Variants in SAMD4A observed in about 807,000 individuals in gnomAD.
The protein encoded by SAMD4A is sterile alpha motif domain containing 4A.
In SAMD4A, 33 loss-of-function variants were observed where a neutral mutation model predicts 81.3. That is an observed-to-expected ratio of 0.41 (90% CI 0.31 to 0.54). SAMD4A has a LOEUF of 0.54. Among genes scored for constraint, SAMD4A ranks in the 20% least tolerant of loss-of-function variants. The probability of loss-of-function intolerance (pLI) is 0.37; values close to 1 mark genes in which losing one functional copy is unlikely to be tolerated. For synonymous variants in SAMD4A, 389 were observed against 382.1 expected (o/e 1.02, Z -0.21); for missense variants, 854 against 951.1 (o/e 0.90, Z 1.34).
chr14:54,779,898 G>A (rs1374569790), intron 11 of SAMD4A, among the ~76,000 whole-genome samples: 3 of 152,096 alleles, frequency 2.0e-5, no homozygotes, highest in African/African-American at 7.2e-5. Flanking sequence ...TGGCGCCTGT[G>A]CGAATGGTCA....
intron 2 of SAMD4A, among the ~76,000 whole-genome samples, chr14:54,605,150 T>C (rs906037860): frequency 2.6e-5 from 4 of 152,308 alleles, no homozygotes; most frequent in Admixed American, 2.6e-4. Context: ...CCTGTTTCAC[T>C]TGACAATTAC....
chr14:54,581,678 T>G (rs1384959850), intron 2 of SAMD4A, among the ~76,000 whole-genome samples: 2 of 152,240 alleles, frequency 1.3e-5, no homozygotes, highest in African/African-American at 2.4e-5. Flanking sequence ...GTATGAGTGG[T>G]CATGCAGCCA....
At chr14:54,606,632 T>C (rs2034213466) in intron 2 of SAMD4A, among the ~76,000 whole-genome samples, 2 of 152,210 alleles carry the variant, frequency 1.3e-5, no homozygotes, top group South Asian at 4.1e-4. Context: ...TCAGCACCTT[T>C]CTTTGGGGTT....
At chr14:54,617,094 G>T (rs2034508036) in intron 2 of SAMD4A, among the ~76,000 whole-genome samples, 1 of 151,944 alleles carries the variant, frequency 6.6e-6, no homozygotes, top group South Asian at 2.1e-4. Context: ...ATTTTTAAAG[G>T]CTTCAAAATT....
intron 2 of SAMD4A, chr14:54,652,803 A>C (rs2035433990): frequency 6.6e-6 from 1 of 152,158 alleles, no homozygotes; most frequent in African/African-American, 2.4e-5. Flanking sequence ...CTCTTCATGG[A>C]GACACAGCTG....
chr14:54,671,080 C>CATCT (rs1185510025), intron 2 of SAMD4A, among the ~76,000 whole-genome samples: 1 of 152,070 alleles, frequency 6.6e-6, no homozygotes. Flanking sequence ...AGAAGCTTAC[C>CATCT]ATCTGCCAGG....
chr14:54,588,586 T>G (rs574251707), intron 2 of SAMD4A, among the ~76,000 whole-genome samples: 76 of 152,140 alleles, frequency 5.0e-4, no homozygotes, highest in African/African-American at 1.8e-3. Flanking sequence ...ATTTAAGTAT[T>G]TTTTTTGTAC....
chr14:54,574,488 C>T (rs888745563), intron 2 of SAMD4A, among the ~76,000 whole-genome samples: 4 of 152,108 alleles, frequency 2.6e-5, no homozygotes, highest in African/African-American at 9.7e-5. Flanking sequence ...GGCAGGCTTC[C>T]TGGGCCTTTG....
chr14:54,667,932 T>C (rs1166730990), intron 2 of SAMD4A, among the ~76,000 whole-genome samples: 1 of 152,190 alleles, frequency 6.6e-6, no homozygotes, highest in Admixed American at 6.5e-5. Context: ...TCGGGAGCCC[T>C]GAGGGCCTCA....
Position 54,748,898 on chromosome 14 carries a change from C to T in SAMD4A, c.1063C>T (p.Leu355Phe), listed in dbSNP as rs914071387. 3 of 1,554,382 alleles carry T rather than the reference C, an allele frequency of 1.9e-6. No individual in the cohort carries two copies. Among genetic ancestry groups the T allele is most frequent in the Non-Finnish European group, 2.6e-6 (3 of 1,148,192 alleles). The change falls in exon 5 of 13, where the codon CTC becomes TTC. Residue 355 changes from leucine (L) to phenylalanine (F), a missense_variant. Around this residue, in one of 3 missense-constraint regions of SAMD4A, gnomAD observed 39 missense variants for 74.1 expected, o/e 0.53. Transcript: ENST00000554335. ...GATGACCTATGAGGAGATGATGGCCCTCACCGAGTGCCAGCTGGAGGCGCA... is the reference window on the plus strand; with the variant it reads ...GATGACCTATGAGGAGATGATGGCCTTCACCGAGTGCCAGCTGGAGGCGCA... Reference protein sequence around the residue: ...SQMTYEEMMALTECQLEAQNV... With the variant: ...SQMTYEEMMAFTECQLEAQNV...
intron 3 of SAMD4A, 122 bp downstream of exon 3, chr14:54,702,702 A>G: frequency 8.2e-7 from 1 of 1,222,472 alleles, no homozygotes; most frequent in Non-Finnish European, 1.1e-6. Flanking sequence ...GACTGATTGG[A>G]ATTGGCTGTG....
chr14:54,596,539 C>T (rs2033915869), intron 2 of SAMD4A, among the ~76,000 whole-genome samples: 1 of 152,190 alleles, frequency 6.6e-6, no homozygotes, highest in Admixed American at 6.5e-5. Flanking sequence ...GAGCCGAGAT[C>T]ATGCCACTGC....
intron 2 of SAMD4A, among the ~76,000 whole-genome samples, chr14:54,587,711 T>A (rs1000443175): frequency 2.6e-5 from 4 of 152,178 alleles, no homozygotes; most frequent in African/African-American, 9.6e-5. Flanking sequence ...ATATGTTAAA[T>A]CATCCCTGCA....
chr14:54,715,418 ATGTCT>A (rs2037094707), intron 3 of SAMD4A, among the ~76,000 whole-genome samples: 1 of 152,068 alleles, frequency 6.6e-6, no homozygotes, highest in Non-Finnish European at 1.5e-5. Context: ...GGAGAGTGAA[ATGTCT>A]AGGAGAAGTG....
At chr14:54,717,028 T>G (rs1032298358) in intron 3 of SAMD4A, among the ~76,000 whole-genome samples, 1 of 152,158 alleles carries the variant, frequency 6.6e-6, no homozygotes, top group Non-Finnish European at 1.5e-5. Context: ...ATCCAATGCA[T>G]GTGTTGGGAG....
chr14:54,742,905 G>A (rs1362421720), intron 4 of SAMD4A, among the ~76,000 whole-genome samples: 4 of 152,192 alleles, frequency 2.6e-5, no homozygotes, highest in Non-Finnish European at 4.4e-5. Context: ...GGAGACTTTC[G>A]TTAGATGAAA....
chr14:54,618,132 C>T (rs2034533573), intron 2 of SAMD4A, among the ~76,000 whole-genome samples: 1 of 152,146 alleles, frequency 6.6e-6, no homozygotes, highest in African/African-American at 2.4e-5. Context: ...AGTAAGATGG[C>T]TTCTGGTGCA....
chr14:54,732,496 G>GCATGCTTTAAATAATTTTTAAAT (rs2140909468), intron 3 of SAMD4A, among the ~76,000 whole-genome samples: 1 of 152,004 alleles, frequency 6.6e-6, no homozygotes, highest in South Asian at 2.1e-4. Context: ...CATTTTTAAA[G>GCATGCTTTAAATAATTTTTAAAT]CATGCTTTAA....
chr14:54,593,656 C>A (rs112415797), intron 2 of SAMD4A, among the ~76,000 whole-genome samples: 4 of 152,012 alleles, frequency 2.6e-5, no homozygotes, highest in African/African-American at 9.7e-5. Context: ...AAAAATGGCC[C>A]CCCTCTAAAG....
Sources: gnomAD v4.1 joint callset for allele counts (sites outside exome capture counted in the v4.1 genomes callset) on GRCh38, gnomAD v4.1.1 for gene constraint, gnomAD v4.1.1 regional missense constraint, MANE v1.5 for transcripts, NCBI Gene and HGNC (gene_info 2026-07-23, HGNC 2026-07-21) for gene names.